PPA2: variants seen among roughly 807,000 people sequenced by gnomAD.
The protein encoded by PPA2 is inorganic pyrophosphatase 2, mitochondrial.
Under a neutral mutation model 49.5 loss-of-function variants are expected in PPA2, and 48 were observed. The ratio of observed to expected loss-of-function variants is 0.97; its 90% CI spans 0.77 to 1.23. PPA2 has a LOEUF of 1.23. Among genes scored for constraint, PPA2 ranks in the 50% most tolerant of loss-of-function variants. The pLI is 0.00. For missense variants in PPA2, 429 were observed against 410.1 expected (o/e 1.05, Z -0.40); for synonymous variants, 131 against 139.9 (o/e 0.94, Z 0.45).
At chr4:105,411,897 C>T (rs1459510427) in intron 7 of PPA2, among the ~76,000 whole-genome samples, 1 of 152,088 alleles carries the variant, frequency 6.6e-6, no homozygotes, top group Non-Finnish European at 1.5e-5. Context: ...TGTGAAGGAC[C>T]TCTTCAAGGA....
intron 7 of PPA2, among the ~76,000 whole-genome samples, chr4:105,419,305 C>T (rs569272889): frequency 5.3e-5 from 8 of 152,228 alleles, no homozygotes; most frequent in Admixed American, 2.6e-4. Flanking sequence ...TATTCCTCCC[C>T]GCTCCCCCCA....
chr4:105,404,182 C>A (rs1408109698), intron 7 of PPA2, among the ~76,000 whole-genome samples: 1 of 123,704 alleles, frequency 8.1e-6, no homozygotes, highest in African/African-American at 2.5e-5. Flanking sequence ...TAATTATATA[C>A]CAAAAACAAA....
chr4:105,395,802 A>G (rs1292375791), intron 9 of PPA2, among the ~76,000 whole-genome samples: 1 of 152,158 alleles, frequency 6.6e-6, no homozygotes, highest in Non-Finnish European at 1.5e-5. Flanking sequence ...TCAGCCCTAT[A>G]TCCAAAAATG....
chr4:105,460,390 G>A (rs1203370977), intron 1 of PPA2, among the ~76,000 whole-genome samples: 2 of 151,544 alleles, frequency 1.3e-5, no homozygotes, highest in African/African-American at 4.9e-5. Flanking sequence ...TAAATACTAC[G>A]CCATTTTACA....
chr4:105,427,411 G>A (rs937800060), intron 6 of PPA2, among the ~76,000 whole-genome samples: 9 of 152,238 alleles, frequency 5.9e-5, no homozygotes, highest in Middle Eastern at 3.4e-3. Flanking sequence ...CGAGCTAGAG[G>A]AGCACGTTCT....
chr4:105,419,171 GT>G (rs1723141206), intron 7 of PPA2, among the ~76,000 whole-genome samples: 1 of 151,830 alleles, frequency 6.6e-6, no homozygotes, highest in Non-Finnish European at 1.5e-5. Flanking sequence ...TTTGTTTTAT[GT>G]ATACTTTAAG....
At chr4:105,418,555 G>C (rs1236530036) in intron 7 of PPA2, among the ~76,000 whole-genome samples, 1 of 152,098 alleles carries the variant, frequency 6.6e-6, no homozygotes, top group African/African-American at 2.4e-5. Flanking sequence ...GAAAATGTCA[G>C]AACGGTCTCA....
intron 10 of PPA2, among the ~76,000 whole-genome samples, chr4:105,378,662 C>A (rs1019827778): frequency 1.6e-4 from 25 of 151,970 alleles, no homozygotes; most frequent in Non-Finnish European, 1.5e-5. Context: ...TACTGTCTAA[C>A]CCAAAGTCAA....
chr4:105,423,209 G>C (rs763919911), intron 7 of PPA2: 2 of 151,998 alleles, frequency 1.3e-5, no homozygotes, highest in South Asian at 4.2e-4. Context: ...CACGCTATCA[G>C]ACCTCTCCCT....
chr4:105,389,061 T>C (rs1733798457), intron 9 of PPA2, among the ~76,000 whole-genome samples: 1 of 152,146 alleles, frequency 6.6e-6, no homozygotes. Context: ...AGAACATATA[T>C]GTATGTAAAT....
intron 9 of PPA2, among the ~76,000 whole-genome samples, chr4:105,394,104 C>T (rs930434992): frequency 3.3e-5 from 5 of 151,952 alleles, no homozygotes; most frequent in African/African-American, 4.8e-5. Context: ...TGGTGGCTCA[C>T]GCCTGTAATT....
chr4:105,391,691 G>C (rs1733928083), intron 9 of PPA2, among the ~76,000 whole-genome samples: 1 of 152,146 alleles, frequency 6.6e-6, no homozygotes, highest in Non-Finnish European at 1.5e-5. Flanking sequence ...TAGGAAGGAA[G>C]AGCCCATGAG....
intron 5 of PPA2, among the ~76,000 whole-genome samples, chr4:105,441,141 A>G (rs752181056): frequency 1.3e-5 from 2 of 152,226 alleles, no homozygotes; most frequent in African/African-American, 4.8e-5. Context: ...ACTAGAAAAG[A>G]ACAAACACTG....
At chr4:105,465,618 C>T (rs953125997) in intron 1 of PPA2, among the ~76,000 whole-genome samples, 2 of 152,180 alleles carry the variant, frequency 1.3e-5, no homozygotes, top group Non-Finnish European at 1.5e-5. Flanking sequence ...AATGTCTTTA[C>T]TCTGTTCTCA....
At chr4:105,399,252 A>G (rs1734264493) in intron 7 of PPA2, 88 bp from the exon 8 acceptor site, 1 of 1,299,268 alleles carries the variant, frequency 7.7e-7, no homozygotes, top group African/African-American at 1.5e-5. Flanking sequence ...GGAGCCAGGA[A>G]ACATGGGGCC....
intron 1 of PPA2, among the ~76,000 whole-genome samples, chr4:105,458,060 T>A (rs978815632): frequency 6.6e-6 from 1 of 151,674 alleles, no homozygotes; most frequent in African/African-American, 2.4e-5. Flanking sequence ...TCTGAAAGAG[T>A]CCCCAAAGGC....
chr4:105,394,739 T>C (rs1358961072), intron 9 of PPA2, among the ~76,000 whole-genome samples: 4 of 152,120 alleles, frequency 2.6e-5, no homozygotes, highest in Non-Finnish European at 5.9e-5. Context: ...GCTATATATA[T>C]ACTAACCAAA....
chr4:105,440,556 G>A (rs1032232687), intron 5 of PPA2, among the ~76,000 whole-genome samples: 8 of 152,040 alleles, frequency 5.3e-5, no homozygotes, highest in South Asian at 2.1e-4. Flanking sequence ...CCACTGCGCC[G>A]GCCAATAAGA....
rs981745833 is a variant in PPA2 at position 105,435,943 on chromosome 4, G to A, written c.528+2007C>T. On this transcript the variant is annotated intron_variant, in intron 6 of 11. Transcript: ENST00000341695. ...ACCACTCCCATTCAACATAGTACTG[G>A]AAGTCCTAGCCAGACCAATCACCCA... Among the ~76,000 whole-genome samples, 10 of 152,106 alleles carry A rather than the reference G, an allele frequency of 6.6e-5. No homozygotes were observed. The East Asian group carries it at 1.2e-3, about 18-fold the overall frequency.
Sources: allele counts gnomAD v4.1 joint callset (sites outside exome capture counted in the v4.1 genomes callset), GRCh38; gene constraint gnomAD v4.1.1; transcripts MANE v1.5; gene names NCBI Gene and HGNC (gene_info 2026-07-23, HGNC 2026-07-21).